The following HSF2BP variants were observed in gnomAD, a reference collection of about 807,000 sequenced individuals.
HSF2BP encodes heat shock transcription factor 2 binding protein.
In HSF2BP, 35 loss-of-function variants were observed where a neutral mutation model predicts 35.0. The ratio of observed to expected loss-of-function variants is 1.00; its 90% CI spans 0.76 to 1.32. HSF2BP has a LOEUF of 1.32. HSF2BP is among the 40% of genes most tolerant of loss of function. The probability of loss-of-function intolerance (pLI) is 0.00; values close to 1 mark genes in which losing one functional copy is unlikely to be tolerated. For synonymous variants in HSF2BP, 114 were observed against 117.4 expected (o/e 0.97, Z 0.18); for missense variants, 326 against 321.7 (o/e 1.01, Z -0.10).
chr21:43,619,242 G>A (rs951756109), intron 6 of HSF2BP, among the ~76,000 whole-genome samples: 2 of 152,070 alleles, frequency 1.3e-5, no homozygotes, highest in Non-Finnish European at 2.9e-5. Flanking sequence ...CCAAACCTAC[G>A]GTATCTCTGA....
chr21:43,623,677 A>G (rs1386153008), intron 6 of HSF2BP, among the ~76,000 whole-genome samples: 1 of 152,174 alleles, frequency 6.6e-6, no homozygotes, highest in Admixed American at 6.5e-5. Context: ...ACCTGGGTCA[A>G]GGTTCCAGAG....
intron 5 of HSF2BP, among the ~76,000 whole-genome samples, chr21:43,631,419 T>C (rs1416387180): frequency 1.3e-5 from 2 of 152,064 alleles, no homozygotes; most frequent in Non-Finnish European, 2.9e-5. Context: ...TACATGTTCC[T>C]TCTTTCCCAT....
intron 6 of HSF2BP, among the ~76,000 whole-genome samples, chr21:43,628,018 C>T (rs1034793731): frequency 4.6e-5 from 7 of 152,202 alleles, no homozygotes; most frequent in African/African-American, 1.7e-4. Flanking sequence ...ATACATGCTA[C>T]TTATCTTCTG....
At chr21:43,574,646 T>C (rs1282844736) in intron 8 of HSF2BP, among the ~76,000 whole-genome samples, 2 of 152,188 alleles carry the variant, frequency 1.3e-5, no homozygotes, top group Non-Finnish European at 1.5e-5. Context: ...CTTGAGCCAC[T>C]GCGCCCAGCC....
intron 8 of HSF2BP, among the ~76,000 whole-genome samples, chr21:43,577,164 T>C (rs1291960077): frequency 6.6e-6 from 1 of 152,236 alleles, no homozygotes; most frequent in East Asian, 1.9e-4. Flanking sequence ...TTCACCTCTT[T>C]ATTTGCATTT....
At chr21:43,641,004 T>C (rs1037790630) in intron 4 of HSF2BP, among the ~76,000 whole-genome samples, 2 of 152,186 alleles carry the variant, frequency 1.3e-5, no homozygotes, top group Admixed American at 6.5e-5. Context: ...CCTCAATATC[T>C]TTCTGTAGTT....
At chr21:43,606,527 G>A (rs538513550) in intron 7 of HSF2BP, among the ~76,000 whole-genome samples, 44 of 152,292 alleles carry the variant, frequency 2.9e-4, no homozygotes, top group African/African-American at 9.9e-4. Flanking sequence ...TGGCCTGAGT[G>A]CTACAGCAAT....
At chr21:43,619,120 T>C (rs1339054237) in intron 6 of HSF2BP, among the ~76,000 whole-genome samples, 2 of 152,156 alleles carry the variant, frequency 1.3e-5, no homozygotes, top group Non-Finnish European at 2.9e-5. Flanking sequence ...GCTAATTTCA[T>C]ACTTAACAGA....
Position 43,597,344 on chromosome 21 carries a change from A to G in HSF2BP, c.693-5016T>C, listed in dbSNP as rs938448700. ...CTACCTTCTGCCACCTCCAGTACAC[A>G]TGCTATCAAATAAACACTGAACTAG... On this transcript the variant is annotated intron_variant, in intron 7 of 8. Transcript: ENST00000291560. This position sits in a 1 kb window ranked among gnomAD's most constrained non-coding sequence, Gnocchi z 4.3. 6.6e-6 allele frequency among the ~76,000 whole-genome samples: 1 copy of G among 152,188 alleles called. No individual in the cohort carries two copies. The highest frequency in any genetic ancestry group is 1.5e-5 in the Non-Finnish European group (1 of 68,036).
intron 7 of HSF2BP, among the ~76,000 whole-genome samples, chr21:43,598,381 G>GT (rs376431039): frequency 1.1e-5 from 1 of 90,848 alleles, no homozygotes; most frequent in South Asian, 4.2e-4. Flanking sequence ...ATTTTTGTGG[G>GT]TTTTTTTGTT....
At chr21:43,630,797 CA>C (rs2082446224) in intron 5 of HSF2BP, among the ~76,000 whole-genome samples, 1 of 151,798 alleles carries the variant, frequency 6.6e-6, no homozygotes, top group African/African-American at 2.4e-5. Context: ...CAGAGGTGTT[CA>C]AACCTTTAGC....
chr21:43,587,169 G>A (rs1444534875), intron 8 of HSF2BP, among the ~76,000 whole-genome samples: 1 of 152,110 alleles, frequency 6.6e-6, no homozygotes, highest in African/African-American at 2.4e-5. Flanking sequence ...AAACACATAT[G>A]AAATTCTATA....
chr21:43,623,724 T>C (rs568651988), intron 6 of HSF2BP, among the ~76,000 whole-genome samples: 1 of 152,272 alleles, frequency 6.6e-6, no homozygotes, highest in East Asian at 1.9e-4. Context: ...ATTATATTTG[T>C]TTGCTACCTG....
chr21:43,589,050 A>G (rs73367806), intron 8 of HSF2BP, among the ~76,000 whole-genome samples: 1,640 of 152,326 alleles, frequency 0.011, 32 homozygotes, highest in African/African-American at 0.036. Context: ...TGTTATAGCA[A>G]CAGCCATAGC....
intron 8 of HSF2BP, among the ~76,000 whole-genome samples, chr21:43,575,729 C>A (rs2081635123): frequency 6.6e-6 from 1 of 152,150 alleles, no homozygotes; most frequent in Non-Finnish European, 1.5e-5. Flanking sequence ...CTAAAAAACT[C>A]CTAAAGGTAG....
At chr21:43,575,846 C>T (rs1384727475) in intron 8 of HSF2BP, among the ~76,000 whole-genome samples, 1 of 152,224 alleles carries the variant, frequency 6.6e-6, no homozygotes, top group African/African-American at 2.4e-5. Context: ...CGGCCAGGCG[C>T]AGTGGCTCAT....
At chr21:43,613,136 A>G (rs2082229693) in intron 7 of HSF2BP, among the ~76,000 whole-genome samples, 2 of 152,258 alleles carry the variant, frequency 1.3e-5, no homozygotes, top group Non-Finnish European at 2.9e-5. Flanking sequence ...AGAGAGTTTC[A>G]TCTTGCTGGT....
At chr21:43,622,111 C>T (rs879484275) in intron 6 of HSF2BP, among the ~76,000 whole-genome samples, 1 of 152,032 alleles carries the variant, frequency 6.6e-6, no homozygotes, top group Non-Finnish European at 1.5e-5. Context: ...TTTAAAATAA[C>T]CTGTTATATC....
intron 3 of HSF2BP, among the ~76,000 whole-genome samples, chr21:43,655,787 G>C (rs1241503184): frequency 1.3e-5 from 2 of 152,186 alleles, no homozygotes; most frequent in African/African-American, 4.8e-5. Context: ...ACAAGGTACG[G>C]TGGATGAGAA....
Sources: allele counts gnomAD v4.1 joint callset (sites outside exome capture counted in the v4.1 genomes callset), GRCh38; gene constraint gnomAD v4.1.1; non-coding constraint Gnocchi (gnomAD v3.1); transcripts MANE v1.5; gene names NCBI Gene and HGNC (gene_info 2026-07-23, HGNC 2026-07-21).